ABTB3: variants seen among roughly 807,000 people sequenced by gnomAD.
The protein encoded by ABTB3 is ankyrin repeat and BTB domain containing 3, also known as ankyrin repeat- and BTB/POZ domain-containing protein 3.
the ABTB3 span, among the ~76,000 whole-genome samples, chr12:107,469,851 C>CTTTCTTTCTTT: frequency 1.6e-4 from 22 of 139,490 alleles, no homozygotes; most frequent in South Asian, 4.8e-4. Context: ...CTCTCTCTTT[C>CTTTCTTTCTTT]TCTTTCTTTC....
chr12:107,415,988 C>T, the ABTB3 span, among the ~76,000 whole-genome samples: 3 of 152,102 alleles, frequency 2.0e-5, no homozygotes, highest in Admixed American at 2.0e-4. Flanking sequence ...AAAAAAGTGA[C>T]TGGCATTTTA....
chr12:107,369,706 GGTTTTTTTTT>G, the ABTB3 span, among the ~76,000 whole-genome samples: 3 of 74,776 alleles, frequency 4.0e-5, no homozygotes, highest in African/African-American at 1.4e-4. Context: ...GCCCAAACAT[GGTTTTTTTTT>G]TTTTTTTTTT....
At chr12:107,356,192 G>C in the ABTB3 span, among the ~76,000 whole-genome samples, 1 of 152,268 alleles carries the variant, frequency 6.6e-6, no homozygotes, top group East Asian at 1.9e-4. Flanking sequence ...ACGGGGATTT[G>C]CTTATGGGTT....
chr12:107,507,166 G>A, the ABTB3 span, among the ~76,000 whole-genome samples: 2 of 152,142 alleles, frequency 1.3e-5, no homozygotes, highest in Non-Finnish European at 2.9e-5. Context: ...CCTCAGGAGA[G>A]TGCTGAGGGG....
At chr12:107,327,069 C>T in the ABTB3 span, among the ~76,000 whole-genome samples, 1 of 152,102 alleles carries the variant, frequency 6.6e-6, no homozygotes, top group Non-Finnish European at 1.5e-5. Flanking sequence ...CTTTTGTGAC[C>T]TAGTTCTTTC....
the ABTB3 span, among the ~76,000 whole-genome samples, chr12:107,442,196 G>A: frequency 2.0e-5 from 3 of 152,318 alleles, no homozygotes; most frequent in African/African-American, 7.2e-5. Flanking sequence ...CTCAGTAAAC[G>A]TTAGCTAAAT....
chr12:107,409,505 C>T, the ABTB3 span, among the ~76,000 whole-genome samples: 1 of 152,190 alleles, frequency 6.6e-6, no homozygotes, highest in South Asian at 2.1e-4. Flanking sequence ...AATATATACA[C>T]CATGGAATAC....
chr12:107,390,215 T>A, the ABTB3 span, among the ~76,000 whole-genome samples: 1,499 of 152,304 alleles, frequency 9.8e-3, 37 homozygotes, highest in African/African-American at 0.034. Flanking sequence ...GTGACTTTTT[T>A]AAAAAGTACC....
the ABTB3 span, among the ~76,000 whole-genome samples, chr12:107,534,596 C>CA: frequency 4.0e-5 from 6 of 151,784 alleles, no homozygotes; most frequent in African/African-American, 1.2e-4. Context: ...AAATCAGGGA[C>CA]AAAAAAGGAG....
the ABTB3 span, among the ~76,000 whole-genome samples, chr12:107,629,750 G>A: frequency 1.3e-5 from 2 of 152,148 alleles, no homozygotes; most frequent in African/African-American, 4.8e-5. Flanking sequence ...GTGCTGCTCA[G>A]AGAATCCAGG....
chr12:107,400,019 A>G, the ABTB3 span, among the ~76,000 whole-genome samples: 1 of 152,188 alleles, frequency 6.6e-6, no homozygotes, highest in Non-Finnish European at 1.5e-5. Flanking sequence ...ATACAAACTC[A>G]TTCTTTTTTA....
the ABTB3 span, among the ~76,000 whole-genome samples, chr12:107,454,336 G>A: frequency 6.6e-6 from 1 of 152,236 alleles, no homozygotes; most frequent in Non-Finnish European, 1.5e-5. Flanking sequence ...GTAAGGTGGT[G>A]ACAGCAAATC....
the ABTB3 span, among the ~76,000 whole-genome samples, chr12:107,596,388 G>A: frequency 6.6e-6 from 1 of 152,188 alleles, no homozygotes; most frequent in African/African-American, 2.4e-5. Flanking sequence ...CAAGGTGGGT[G>A]GATCACTTGA....
the ABTB3 span, chr12:107,617,624 A>G: frequency 6.2e-6 from 4 of 644,258 alleles, no homozygotes; most frequent in Non-Finnish European, 1.0e-5. Flanking sequence ...TGCAGTGCAC[A>G]TCCACTCAGA....
chr12:107,575,021 G>T, the ABTB3 span, among the ~76,000 whole-genome samples: 1 of 152,192 alleles, frequency 6.6e-6, no homozygotes, highest in Non-Finnish European at 1.5e-5. Flanking sequence ...GTTACAATGA[G>T]CATTGCTATA....
At chr12:107,359,934 C>T in the ABTB3 span, among the ~76,000 whole-genome samples, 1 of 152,104 alleles carries the variant, frequency 6.6e-6, no homozygotes, top group Non-Finnish European at 1.5e-5. Flanking sequence ...TATCTCTTCC[C>T]TTACTTTCCT....
the ABTB3 span, among the ~76,000 whole-genome samples, chr12:107,424,653 A>T: frequency 6.6e-6 from 1 of 152,182 alleles, no homozygotes; most frequent in Admixed American, 6.5e-5. Context: ...GCTGTAAGGA[A>T]AAAAGGAAGG....
the ABTB3 span, among the ~76,000 whole-genome samples, chr12:107,369,618 C>T: frequency 5.0e-4 from 75 of 150,814 alleles, 1 homozygote; most frequent in Non-Finnish European, 1.5e-4. Flanking sequence ...AGGCTGGTCT[C>T]GAACTCCTGA....
At chr12:107,500,010 T>C in the ABTB3 span, among the ~76,000 whole-genome samples, 1 of 152,050 alleles carries the variant, frequency 6.6e-6, no homozygotes, top group African/African-American at 2.4e-5. Flanking sequence ...AACCATCAGA[T>C]TTCATGAGAG....
Sources: gnomAD v4.1 joint callset for allele counts (sites outside exome capture counted in the v4.1 genomes callset) on GRCh38, gnomAD v4.1.1 for gene constraint, MANE v1.5 for transcripts, NCBI Gene and HGNC (gene_info 2026-07-23, HGNC 2026-07-21) for gene names.